Variants in CHODL observed in about 807,000 individuals in gnomAD.
The protein encoded by CHODL is chondrolectin.
CHODL carries 29 observed loss-of-function variants against 34.5 expected under a neutral mutation model. The observed-to-expected ratio is 0.84, with a 90% CI of 0.63 to 1.15. The LOEUF (loss-of-function observed/expected upper bound fraction) is 1.15, where lower values mean the gene tolerates loss of function less well. Ranked by LOEUF, CHODL falls within the 50% of genes most tolerant of loss-of-function variation. CHODL has a pLI of 0.00. For missense variants in CHODL, 332 were observed against 332.5 expected, an observed-to-expected ratio of 1.00 and a Z score of 0.01; for synonymous variants, 125 against 116.1, an observed-to-expected ratio of 1.08 and a Z score of -0.49.
At chr21:18,029,500 TCTTTA>T (rs2064222435) in intron 2 of CHODL, among the ~76,000 whole-genome samples, 1 of 152,044 alleles carries the variant, frequency 6.6e-6, no homozygotes, top group African/African-American at 2.4e-5. Context: ...AAAATAGTAA[TCTTTA>T]CTTGTTTTTA....
chr21:18,245,324 C>T (rs2074126201), intron 1 of CHODL, 22 bp downstream of exon 1: 1 of 1,507,998 alleles, frequency 6.6e-7, no homozygotes, highest in Non-Finnish European at 8.8e-7. Flanking sequence ...GCCGTCTCCC[C>T]GAAGAACGAG....
At chr21:18,080,662 G>A (rs1346603319) in intron 2 of CHODL, among the ~76,000 whole-genome samples, 13 of 151,876 alleles carry the variant, frequency 8.6e-5, no homozygotes, top group Admixed American at 8.5e-4. Context: ...TCTATTTCTG[G>A]GTTCTCCATT....
intron 1 of CHODL, 29 bp from the exon 2 acceptor site, chr21:18,256,480 A>G: frequency 6.4e-7 from 1 of 1,561,030 alleles, no homozygotes; most frequent in African/African-American, 1.4e-5. Flanking sequence ...CCGATTATCA[A>G]TATATGGGCA....
At chr21:17,994,630 C>A (rs573821598) in intron 1 of CHODL, among the ~76,000 whole-genome samples, 1 of 152,080 alleles carries the variant, frequency 6.6e-6, no homozygotes, top group African/African-American at 2.4e-5. Context: ...GCACTGGCAA[C>A]GGTAGTCAGG....
intron 1 of CHODL, among the ~76,000 whole-genome samples, chr21:17,938,669 G>C (rs1009099019): frequency 2.0e-5 from 3 of 151,704 alleles, no homozygotes; most frequent in South Asian, 2.1e-4. Context: ...TAGTAGAGAC[G>C]GGGTTTCACG....
chr21:18,043,164 G>T (rs1386108714), intron 2 of CHODL, among the ~76,000 whole-genome samples: 3 of 151,936 alleles, frequency 2.0e-5, no homozygotes, highest in African/African-American at 4.8e-5. Flanking sequence ...TACTATAGGG[G>T]TGTATTGGCC....
At chr21:18,113,943 T>A (rs1297092998) in intron 2 of CHODL, among the ~76,000 whole-genome samples, 1 of 152,146 alleles carries the variant, frequency 6.6e-6, no homozygotes, top group Non-Finnish European at 1.5e-5. Context: ...ATATACACAA[T>A]AGAATACTGT....
At chr21:18,079,637 T>G (rs1378958636) in intron 2 of CHODL, among the ~76,000 whole-genome samples, 1 of 151,466 alleles carries the variant, frequency 6.6e-6, no homozygotes, top group African/African-American at 2.4e-5. Flanking sequence ...TATCACATTT[T>G]CTTTATACAA....
chr21:18,113,728 G>A (rs1351964325), intron 2 of CHODL, among the ~76,000 whole-genome samples: 1 of 152,080 alleles, frequency 6.6e-6, no homozygotes. Flanking sequence ...AATTAAACAC[G>A]AGATTTGGGT....
At chr21:17,992,302 G>A (rs970528536) in intron 1 of CHODL, among the ~76,000 whole-genome samples, 3 of 152,122 alleles carry the variant, frequency 2.0e-5, no homozygotes, top group Admixed American at 2.0e-4. Flanking sequence ...TGGCTATTTG[G>A]CATCTTTTTG....
chr21:18,098,665 G>T (rs538065063), intron 2 of CHODL, among the ~76,000 whole-genome samples: 1 of 152,218 alleles, frequency 6.6e-6, no homozygotes, highest in African/African-American at 2.4e-5. Context: ...AAACAGTTTG[G>T]AGGTCCCTCA....
At chr21:18,159,632 C>T (rs1321774279) in intron 2 of CHODL, among the ~76,000 whole-genome samples, 3 of 152,296 alleles carry the variant, frequency 2.0e-5, no homozygotes, top group Non-Finnish European at 2.9e-5. Flanking sequence ...TGCCCATGCC[C>T]TAATCCTCAG....
chr21:17,980,480 A>G (rs1170310172), intron 1 of CHODL, among the ~76,000 whole-genome samples: 1 of 152,196 alleles, frequency 6.6e-6, no homozygotes, highest in Non-Finnish European at 1.5e-5. Context: ...AGAATTTAAA[A>G]TAAGTTATTC....
chr21:18,056,531 C>A (rs1265399853), intron 2 of CHODL, among the ~76,000 whole-genome samples: 1 of 148,336 alleles, frequency 6.7e-6, no homozygotes, highest in East Asian at 2.0e-4. Flanking sequence ...AATTCAAAAA[C>A]TTCTGTTCTT....
chr21:18,127,669 A>ATTTT (rs1285324385), intron 2 of CHODL, among the ~76,000 whole-genome samples: 9 of 76,636 alleles, frequency 1.2e-4, no homozygotes, highest in East Asian at 3.2e-4. Flanking sequence ...TTGCGTTGCC[A>ATTTT]TTGTTTTTTT....
rs2074474568 is a variant in CHODL, at chr21:18,267,172, T to A, written c.*1134T>A. The A allele has an allele frequency of 6.6e-6, 1 of 152,124 alleles. No homozygotes were observed. 9.4% of individuals were successfully genotyped at this position (152,124 alleles called of 1,614,324 possible). A position where few individuals can be genotyped will look rare whatever the true frequency, so the allele number is the denominator to read the frequency against. On this transcript the variant is annotated 3_prime_UTR_variant, in exon 6 of 6. Coordinates refer to ENST00000299295, the MANE Select transcript of CHODL (RefSeq NM_024944.3). ...AAGGAACTACGAAATCGTGTGAAAA[T>A]GGGTTGGAACCCATCAGTGATCGCA...
chr21:18,133,248 A>G (rs111309915), intron 2 of CHODL, among the ~76,000 whole-genome samples: 40 of 152,236 alleles, frequency 2.6e-4, no homozygotes, highest in African/African-American at 9.4e-4. Flanking sequence ...ACCACTGCCA[A>G]TTGTTCGATG....
intron 1 of CHODL, among the ~76,000 whole-genome samples, chr21:18,026,231 A>C (rs964936972): frequency 2.6e-5 from 4 of 152,204 alleles, no homozygotes; most frequent in Non-Finnish European, 5.9e-5. Context: ...AGCTCTCTAC[A>C]TCTAACAGAT....
In CHODL at chr21:17,951,107, CGTGTGTGTGT is replaced by C. The variant is rs3073722; in HGVS notation, c.-145+33730_-145+33739del. Among the ~76,000 whole-genome samples the C allele has an allele frequency of 9.9e-3, 1,480 of 149,126 alleles. 23 individuals are homozygous for C. Among genetic ancestry groups the C allele is most frequent in the African/African-American group, 0.033 (1,340 of 40,570 alleles). ...ATGTGTGTGTATATATTACTCTATA[CGTGTGTGTGT>C]GTGTGTGTGTGTGTGTGTGTGTACA... On this transcript the variant is annotated intron_variant, in intron 1 of 6. Transcript: ENST00000400127.
Sources: gnomAD v4.1 joint callset for allele counts (sites outside exome capture counted in the v4.1 genomes callset) on GRCh38, gnomAD v4.1.1 for gene constraint, MANE v1.5 for transcripts, NCBI Gene and HGNC (gene_info 2026-07-23, HGNC 2026-07-21) for gene names.